The following ADCY2 variants were observed in gnomAD, a reference collection of about 807,000 sequenced individuals.
ADCY2 encodes the protein adenylate cyclase 2.
In ADCY2, 31 loss-of-function variants were observed where a neutral mutation model predicts 125.2. The observed-to-expected ratio is 0.25, with a 90% confidence interval of 0.19 to 0.33. The LOEUF is 0.33. ADCY2 is among the 10% of genes least tolerant of loss of function. The pLI, the probability that ADCY2 is intolerant of heterozygous loss-of-function variation, is 1.00. For missense variants in ADCY2, 904 were observed against 1,418.2 expected (o/e 0.64, Z 5.82); for synonymous variants, 512 against 548.4 (o/e 0.93, Z 0.93).
chr5:7,500,293 A>G (rs1200017818), intron 2 of ADCY2, among the ~76,000 whole-genome samples: 1 of 152,218 alleles, frequency 6.6e-6, no homozygotes, highest in Non-Finnish European at 1.5e-5. Flanking sequence ...AAGAATTCCA[A>G]ATAATTCATG....
chr5:7,609,181 G>A (rs964729614), intron 3 of ADCY2, among the ~76,000 whole-genome samples: 5 of 152,136 alleles, frequency 3.3e-5, no homozygotes, highest in African/African-American at 1.2e-4. Context: ...AATTTGCATG[G>A]ATTTACTGAA....
At chr5:7,801,988 G>A (rs1744611653) in intron 20 of ADCY2, 1 of 478,340 alleles carries the variant, frequency 2.1e-6, no homozygotes, top group Non-Finnish European at 3.7e-6. Flanking sequence ...AGGTTTAACT[G>A]GCAAGGCACC....
At chr5:7,513,104 CACAG>C (rs1381262363) in intron 2 of ADCY2, among the ~76,000 whole-genome samples, 19 of 145,932 alleles carry the variant, frequency 1.3e-4, no homozygotes, top group African/African-American at 2.2e-4. Flanking sequence ...CACACACACA[CACAG>C]AGAGAGAGAG....
intron 3 of ADCY2, among the ~76,000 whole-genome samples, chr5:7,543,310 A>G (rs1735050032): frequency 6.6e-6 from 1 of 152,120 alleles, no homozygotes; most frequent in Non-Finnish European, 1.5e-5. Context: ...TCTGAATCTA[A>G]TTAATATTTT....
At chr5:7,713,406 A>G (rs1163436344) in intron 11 of ADCY2, among the ~76,000 whole-genome samples, 3 of 152,018 alleles carry the variant, frequency 2.0e-5, no homozygotes, top group Non-Finnish European at 4.4e-5. Context: ...AGGCATGAGA[A>G]TCACTTCAAC....
At chr5:7,766,665 G>GA (rs749402558) in intron 16 of ADCY2, 22 bp from the exon 17 acceptor site, 101 of 1,608,860 alleles carry the variant, frequency 6.3e-5, no homozygotes, top group East Asian at 6.7e-5. Context: ...TTAATTCATT[G>GA]AAAAAAACCT....
intron 3 of ADCY2, among the ~76,000 whole-genome samples, chr5:7,625,626 A>T (rs897589954): frequency 2.6e-5 from 4 of 152,228 alleles, no homozygotes; most frequent in Non-Finnish European, 5.9e-5. Flanking sequence ...AATGTCACTT[A>T]TCCAGGCTCA....
intron 3 of ADCY2, chr5:7,522,347 A>G (rs189348500): frequency 6.6e-6 from 1 of 151,868 alleles, no homozygotes. Context: ...CATTTTCCCC[A>G]ACCCCTAGCC....
intron 6 of ADCY2, 116 bp downstream of exon 6, chr5:7,695,979 T>C (rs749912077): frequency 4.7e-6 from 3 of 634,164 alleles, no homozygotes; most frequent in Non-Finnish European, 7.6e-6. Flanking sequence ...GGAACATTGT[T>C]TGTAGAAGTT....
Position 7,396,498 on chromosome 5 carries a change from C to G in ADCY2, c.202C>G (p.Leu68Val), listed in dbSNP as rs2111425314. 6.4e-7 allele frequency: 1 copy of G among 1,564,116 alleles called. No homozygotes were observed. The highest frequency in any genetic ancestry group is 1.1e-5 in the South Asian group (1 of 87,332). Residue 68 changes from leucine (L) to valine (V), a missense_variant, in exon 1 of 25, where the codon CTC (leucine) becomes GTC (valine). Coordinates refer to ENST00000338316, the MANE Select transcript of ADCY2 (RefSeq NM_020546.3). This position sits in a 1 kb window ranked among gnomAD's most constrained non-coding sequence, Gnocchi z 5.7. ...CGCCCTGCTCGCCGTCTTCTTCGCG[C>G]TCGGGCTGGTGAGTGGCCTCCCCGC... ...CLALLAVFFA[L>V]GLEVEDHVAF...
intron 23 of ADCY2, 26 bp from the exon 24 acceptor site, chr5:7,820,539 G>C: frequency 6.2e-7 from 1 of 1,612,582 alleles, no homozygotes; most frequent in Non-Finnish European, 8.5e-7. Context: ...GATGAATCTT[G>C]CTAACTCAAC....
intron 18 of ADCY2, among the ~76,000 whole-genome samples, chr5:7,777,650 G>A (rs535520816): frequency 7.2e-5 from 11 of 152,308 alleles, no homozygotes; most frequent in South Asian, 2.1e-4. Context: ...ATGTGACTTC[G>A]TCATGGCTCC....
chr5:7,571,716 G>A (rs760605101), intron 3 of ADCY2, among the ~76,000 whole-genome samples: 27 of 152,064 alleles, frequency 1.8e-4, no homozygotes, highest in Non-Finnish European at 2.9e-4. Context: ...ATGGGAGTTT[G>A]TTGTGCAAAT....
chr5:7,608,567 C>T (rs547447019), intron 3 of ADCY2, among the ~76,000 whole-genome samples: 5 of 152,252 alleles, frequency 3.3e-5, no homozygotes, highest in Non-Finnish European at 5.9e-5. Flanking sequence ...CACAGCGAGA[C>T]TCTGTCTCAA....
chr5:7,650,626 C>G (rs1320155377), intron 4 of ADCY2, among the ~76,000 whole-genome samples: 1 of 152,056 alleles, frequency 6.6e-6, no homozygotes, highest in Admixed American at 6.6e-5. Context: ...GTTCTTGCCC[C>G]CCGGACAGTG....
chr5:7,797,391 C>G (rs1454771895), intron 20 of ADCY2: 3 of 152,266 alleles, frequency 2.0e-5, no homozygotes, highest in Non-Finnish European at 2.9e-5. Context: ...CTAGAACACT[C>G]CAACCCCCAT....
intron 1 of ADCY2, among the ~76,000 whole-genome samples, chr5:7,414,303 T>C (rs1420699904): frequency 6.6e-6 from 1 of 152,206 alleles, no homozygotes; most frequent in African/African-American, 2.4e-5. Context: ...TAAAATCCAT[T>C]TCTGCATTTA....
chr5:7,421,129 G>A (rs1740188623), intron 2 of ADCY2, among the ~76,000 whole-genome samples: 1 of 152,136 alleles, frequency 6.6e-6, no homozygotes, highest in African/African-American at 2.4e-5. Flanking sequence ...TCCAGAATGT[G>A]TTTATTGGAG....
chr5:7,599,750 C>T (rs987799190), intron 3 of ADCY2, among the ~76,000 whole-genome samples: 14 of 151,888 alleles, frequency 9.2e-5, no homozygotes, highest in Admixed American at 1.3e-4. Flanking sequence ...GCAGAAGAGT[C>T]GCAAGGAATC....
Sources: gnomAD v4.1 joint callset for allele counts (sites outside exome capture counted in the v4.1 genomes callset) on GRCh38, gnomAD v4.1.1 for gene constraint, Gnocchi (gnomAD v3.1) non-coding constraint, MANE v1.5 for transcripts, NCBI Gene and HGNC (gene_info 2026-07-23, HGNC 2026-07-21) for gene names.